Variants in CCDC51 observed in about 807,000 individuals in gnomAD.
CCDC51 encodes mitochondrial potassium channel.
Under a neutral mutation model 24.8 loss-of-function variants are expected in CCDC51, and 25 were observed. That is an observed-to-expected ratio of 1.01 (90% CI 0.73 to 1.41). The LOEUF (loss-of-function observed/expected upper bound fraction) is 1.41. Ranked by LOEUF, CCDC51 falls within the 40% of genes most tolerant of loss-of-function variation. The pLI is 0.00. For missense variants in CCDC51, 466 were observed against 519.1 expected (o/e 0.90, Z 0.99); for synonymous variants, 190 against 204.3 (o/e 0.93, Z 0.60).
intron 1 of CCDC51, among the ~76,000 whole-genome samples, chr3:48,438,637 C>T (rs1447237918): frequency 6.6e-6 from 1 of 152,196 alleles, no homozygotes; most frequent in Non-Finnish European, 1.5e-5. Flanking sequence ...CTCACCTCTG[C>T]CACTGCTACC....
At chr3:48,440,755 C>G, upstream of CCDC51, 2 of 828,126 alleles carry the variant, frequency 2.4e-6, no homozygotes, top group Non-Finnish European at 1.9e-6. Flanking sequence ...TCCGCTGCAG[C>G]GAATGGTCTC....
rs1323431039 is a variant in CCDC51, at chr3:48,433,274, C to A, written c.478-108G>T. ...CTTGTGCCTGGCAGAGTACATGTTCCATAGACCCATGCTGAATGAATGAAG... is the reference window on the plus strand; with the variant it reads ...CTTGTGCCTGGCAGAGTACATGTTCAATAGACCCATGCTGAATGAATGAAG... On this transcript the variant is annotated intron_variant, in intron 3 of 3. Coordinates refer to ENST00000395694, the MANE Select transcript of CCDC51 (RefSeq NM_001256964.2). The surrounding 1 kb of genome is among the most constrained non-coding windows in gnomAD (Gnocchi z 4.4). 2 of 1,066,140 alleles carry A rather than the reference C, an allele frequency of 1.9e-6. No homozygotes were observed. The highest frequency in any genetic ancestry group is 2.7e-6 in the Non-Finnish European group (2 of 738,410). 66.0% of individuals were successfully genotyped at this position (1,066,140 alleles called of 1,614,324 possible). A position where few individuals can be genotyped will look rare whatever the true frequency, so the allele number is the denominator to read the frequency against.
rs778062593 is a variant in CCDC51 at position 48,434,958 on chromosome 3, G to C, written c.171C>G (p.His57Gln). 9 of 1,614,186 alleles carry C rather than the reference G, an allele frequency of 5.6e-6. No homozygotes were observed. Among genetic ancestry groups the C allele is most frequent in the Non-Finnish European group, 6.8e-6 (8 of 1,180,006 alleles). Residue 57 changes from histidine to glutamine, a missense_variant, in exon 2 of 4, where the codon CAC (histidine) becomes CAG (glutamine). Coordinates refer to ENST00000395694, the MANE Select transcript of CCDC51 (RefSeq NM_001256964.2). ...CTCTTCCCAGTGCTGGGAGGCGGTG[G>C]TGCAGCCCCAGGGCCACCTCCTCAG... ...KRPEEVALGL[H>Q]HRLPALGRAL...
In CCDC51 at chr3:48,435,086, C is replaced by T; in HGVS notation, c.43G>A (p.Gly15Ser). ...CTCCGAACCAGTACGTGGGGCACACCCACGATGTGCTGCATGGCAAACCCA... is the reference window on the plus strand; with the variant it reads ...CTCCGAACCAGTACGTGGGGCACACTCACGATGTGCTGCATGGCAAACCCA... ...SPGFAMQHIV[G>S]VPHVLVRRGL... The change falls in exon 2 of 4, where the codon GGT becomes AGT. Residue 15 changes from glycine (G) to serine (S), a missense_variant. Coordinates refer to ENST00000395694, the MANE Select transcript of CCDC51 (RefSeq NM_001256964.2). This position sits in a 1 kb window ranked among gnomAD's most constrained non-coding sequence, Gnocchi z 4.2. The T allele has an allele frequency of 6.2e-7, 1 of 1,607,178 alleles. No homozygotes were observed.
In CCDC51 at chr3:48,435,887, G is replaced by A. The variant is rs964819263; in HGVS notation, c.-8-751C>T. 6.6e-6 allele frequency among the ~76,000 whole-genome samples: 1 copy of A among 152,102 alleles called. No homozygotes were observed. The highest frequency in any genetic ancestry group is 1.5e-5 in the Non-Finnish European group (1 of 68,028). ...ACCAACTCTCAGTCTCACACTTCAC[G>A]ACTTCCATAAGCTTTCTCTTTCCTC... is the stretch of plus-strand genomic sequence containing the variant. On this transcript the variant is annotated intron_variant, in intron 1 of 3. Coordinates refer to ENST00000395694, the MANE Select transcript of CCDC51 (RefSeq NM_001256964.2). The surrounding 1 kb of genome is among the most constrained non-coding windows in gnomAD (Gnocchi z 4.2).
In CCDC51 at chr3:48,432,705, G is replaced by A. The variant is rs2039214255; in HGVS notation, c.939C>T (p.Val313=). 6.2e-7 allele frequency: 1 copy of A among 1,614,080 alleles called. No individual in the cohort carries two copies. The highest frequency in any genetic ancestry group is 1.3e-5 in the African/African-American group (1 of 74,928). The change falls in exon 4 of 4, where the codon GTC becomes GTT. Residue 313 remains valine (V), a synonymous_variant. Coordinates refer to ENST00000395694, the MANE Select transcript of CCDC51 (RefSeq NM_001256964.2). ...LKEQLSHSRQ[V]HSCLEGLREQ... is the part of the protein sequence containing the mutation. ...CTCGTAAGCCTTCTAGACATGAATG[G>A]ACTTGCCTGGAATGACTAAGCTGCT... is the stretch of plus-strand genomic sequence containing the variant.
chr3:48,444,332 G>GC (rs1293906199), upstream of CCDC51: 1 of 152,970 alleles, frequency 6.5e-6, no homozygotes, highest in African/African-American at 2.4e-5. Context: ...GAGTGCAGTG[G>GC]CATGATCTCT....
At chr3:48,434,754 G>T in intron 2 of CCDC51, 63 bp downstream of exon 2, 1 of 1,439,392 alleles carries the variant, frequency 6.9e-7, no homozygotes. Flanking sequence ...AGCACCACGT[G>T]ACTGGTTTGG....
At chr3:48,434,774 C>G (rs2039296741) in intron 2 of CCDC51, 43 bp downstream of exon 2, 2 of 1,532,954 alleles carry the variant, frequency 1.3e-6, no homozygotes, top group South Asian at 1.3e-5. Context: ...GCACATTTCC[C>G]AAGTCAGAGG....
upstream of CCDC51, chr3:48,440,703 C>T (rs1417207782): frequency 3.0e-5 from 40 of 1,333,148 alleles, no homozygotes; most frequent in Admixed American, 6.0e-5. Flanking sequence ...GCGGGCATGT[C>T]TTTTTCCTGC....
upstream of CCDC51, among the ~76,000 whole-genome samples, chr3:48,442,567 T>G (rs1255943722): frequency 6.6e-6 from 1 of 151,128 alleles, no homozygotes; most frequent in Non-Finnish European, 1.5e-5. Flanking sequence ...TTCTCCTGCC[T>G]CAGCCTCCTG....
chr3:48,444,465 G>C (rs995616986), upstream of CCDC51, among the ~76,000 whole-genome samples: 2 of 152,098 alleles, frequency 1.3e-5, no homozygotes, highest in African/African-American at 2.4e-5. Flanking sequence ...GTAGAGAGGG[G>C]TTTCACCATG....
chr3:48,436,997 G>A (rs1049689243), intron 1 of CCDC51, among the ~76,000 whole-genome samples: 8 of 152,132 alleles, frequency 5.3e-5, no homozygotes, highest in African/African-American at 1.9e-4. Flanking sequence ...AAGAAATCCT[G>A]AGACCTCTCA....
intron 1 of CCDC51, among the ~76,000 whole-genome samples, chr3:48,436,473 G>C (rs549606858): frequency 2.0e-5 from 3 of 152,304 alleles, no homozygotes; most frequent in African/African-American, 4.8e-5. Flanking sequence ...ACTTCACTGT[G>C]ACAGTGATCC....
upstream of CCDC51, among the ~76,000 whole-genome samples, chr3:48,442,981 T>G (rs2039602226): frequency 1.3e-5 from 2 of 151,836 alleles, no homozygotes; most frequent in Non-Finnish European, 2.9e-5. Flanking sequence ...GGCTCAAGAC[T>G]GTAATCCCAG....
intron 2 of CCDC51, 100 bp downstream of exon 2, chr3:48,434,717 T>C: frequency 8.9e-7 from 1 of 1,125,138 alleles, no homozygotes; most frequent in South Asian, 1.5e-5. Flanking sequence ...GAAATGAGGC[T>C]AAACACAAGT....
At chr3:48,443,553 ACTT>A (rs2039614751), upstream of CCDC51, among the ~76,000 whole-genome samples, 1 of 151,070 alleles carries the variant, frequency 6.6e-6, no homozygotes, top group African/African-American at 2.4e-5. Context: ...AAAAAAAAGG[ACTT>A]CTTTTTCTGT....
At chr3:48,442,729 C>T (rs1333575062), upstream of CCDC51, among the ~76,000 whole-genome samples, 4 of 152,070 alleles carry the variant, frequency 2.6e-5, no homozygotes, top group Non-Finnish European at 4.4e-5. Flanking sequence ...GGATTACAGG[C>T]GTGAGCCACC....
chr3:48,445,693 T>C, the CCDC51 span, among the ~76,000 whole-genome samples: 2 of 152,212 alleles, frequency 1.3e-5, no homozygotes, highest in African/African-American at 4.8e-5. Flanking sequence ...CCTTAGACAT[T>C]ATAGGCCCTG....
Sources: gnomAD v4.1 joint callset for allele counts (sites outside exome capture counted in the v4.1 genomes callset) on GRCh38, gnomAD v4.1.1 for gene constraint, Gnocchi (gnomAD v3.1) non-coding constraint, MANE v1.5 for transcripts, NCBI Gene and HGNC (gene_info 2026-07-23, HGNC 2026-07-21) for gene names.